ECT2: variants seen among roughly 807,000 people sequenced by gnomAD.
The protein encoded by ECT2 is protein ECT2.
ECT2 carries 61 observed loss-of-function variants against 116.9 expected under a neutral mutation model. The ratio of observed to expected loss-of-function variants is 0.52; its 90% CI spans 0.42 to 0.65. The LOEUF is 0.65. Ranked by LOEUF, ECT2 falls within the 30% of genes least tolerant of loss-of-function variation. The probability of loss-of-function intolerance (pLI) is 0.00; values close to 1 mark genes in which losing one functional copy is unlikely to be tolerated. For missense variants in ECT2, 937 were observed against 1,078.7 expected (o/e 0.87, Z 1.84); for synonymous variants, 358 against 346.4 (o/e 1.03, Z -0.37).
intron 6 of ECT2, among the ~76,000 whole-genome samples, chr3:172,759,847 T>A (rs34678565): frequency 0.012 from 1,778 of 152,236 alleles, 24 homozygotes; most frequent in Non-Finnish European, 0.02. Flanking sequence ...GGTATTTTTT[T>A]AAAAAAACCA....
intron 2 of ECT2, 21 bp downstream of exon 2, chr3:172,754,681 A>G (rs1378702936): frequency 1.9e-6 from 3 of 1,547,038 alleles, no homozygotes; most frequent in Admixed American, 4.1e-5. Context: ...TACCTGCTTT[A>G]AAACAATCAA....
chr3:172,824,145 A>G (rs1330868022), downstream of ECT2, among the ~76,000 whole-genome samples: 1 of 152,216 alleles, frequency 6.6e-6, no homozygotes, highest in African/African-American at 2.4e-5. Context: ...ATCTTTAGAT[A>G]TTGTAGTAAG....
chr3:172,816,850 G>T lies in ECT2; in HGVS notation c.2655+13G>T, dbSNP rs762217792. 3 of 1,538,696 alleles carry T rather than the reference G, an allele frequency of 1.9e-6. No homozygotes were observed. The highest frequency in any genetic ancestry group is 2.5e-5 in the South Asian group (2 of 78,626). On this transcript the variant is annotated intron_variant, in intron 24 of 24. Coordinates refer to ENST00000392692, the MANE Select transcript of ECT2 (RefSeq NM_001258315.2). ...ATCATCATTAGCAGTAAGTTATTTT[G>T]ATTTAATGGGGTAAATGACTTATTT...
In ECT2 at chr3:172,810,281, T is replaced by C. The variant is rs533712978; in HGVS notation, c.2400+2357T>C. The stretch of plus-strand genomic sequence containing the variant: ...TTTTGCCGCTACCTTTATATTTCTT[T>C]TGAAATTTTTCAAAACTTTTCAAAA... On this transcript the variant is annotated intron_variant, in intron 22 of 24. Transcript: ENST00000392692. Among the ~76,000 whole-genome samples the C allele has an allele frequency of 2.6e-5, 4 of 152,186 alleles. No homozygotes were observed. The East Asian group carries it at 5.8e-4, about 22-fold the overall frequency.
At chr3:172,802,802 C>T in intron 19 of ECT2, 59 bp from the exon 20 acceptor site, 6 of 1,556,496 alleles carry the variant, frequency 3.9e-6, no homozygotes, top group Non-Finnish European at 5.2e-6. Flanking sequence ...TAAATTACAA[C>T]TTCTTAAAAA....
Position 172,820,443 on chromosome 3 carries a change from G to T in ECT2, c.*206G>T. On this transcript the variant is annotated 3_prime_UTR_variant, in exon 25 of 25. Transcript: ENST00000392692. ...GTTAATTCATGTAAAAAATGATAGTGATTTTGATGTAATTTATCTCTTGTT... is the reference window on the plus strand; with the variant it reads ...GTTAATTCATGTAAAAAATGATAGTTATTTTGATGTAATTTATCTCTTGTT... 1 of 347,724 alleles carries T rather than the reference G, an allele frequency of 2.9e-6. No individual in the cohort carries two copies. The highest frequency in any genetic ancestry group is 5.2e-6 in the Non-Finnish European group (1 of 193,794). 21.5% of individuals were successfully genotyped at this position (347,724 alleles called of 1,614,324 possible).
downstream of ECT2, among the ~76,000 whole-genome samples, chr3:172,823,207 A>G (rs1454187710): frequency 6.6e-6 from 1 of 152,118 alleles, no homozygotes; most frequent in Non-Finnish European, 1.5e-5. Context: ...GAACAATACA[A>G]AATAGGTCAA....
In ECT2 at chr3:172,764,395, G is replaced by A. The variant is rs752777954; in HGVS notation, c.1186G>A (p.Val396Met). ...TGCTCAGCTTTCAAGAGAGACAGACGTGTCACCATTTCCACCCCGTAAGCG... is the reference window on the plus strand; with the variant it reads ...TGCTCAGCTTTCAAGAGAGACAGACATGTCACCATTTCCACCCCGTAAGCG... The part of the protein sequence containing the change: ...TLAQLSRETD[V>M]SPFPPRKRPS... Residue 396 changes from valine (V) to methionine (M), a missense_variant, in exon 12 of 25, where the codon GTG becomes ATG. Transcript: ENST00000392692. 23 of 1,613,980 alleles carry A rather than the reference G, an allele frequency of 1.4e-5. No homozygotes were observed. The highest frequency in any genetic ancestry group is 2.7e-5 in the African/African-American group (2 of 74,908).
At chr3:172,791,874 C>CT (rs1328036889) in intron 18 of ECT2, among the ~76,000 whole-genome samples, 2 of 152,350 alleles carry the variant, frequency 1.3e-5, no homozygotes, top group East Asian at 3.9e-4. Flanking sequence ...AGGACTATCT[C>CT]TGTTTTCAAC....
chr3:172,754,593 T>C lies in ECT2; in HGVS notation c.63T>C (p.Ile21=), dbSNP rs1430015367. ...GGACTAGCTTGGCAGACTCTTCCAT[T>C]TTTGATTCTAAAGTTACTGAGATTT... The part of the protein sequence containing the change: ...TGRTSLADSS[I]FDSKVTEISK... The change falls in exon 2 of 25, where the codon ATT becomes ATC. Residue 21 remains isoleucine (I), a synonymous_variant. Transcript: ENST00000392692. 15 of 1,612,020 alleles carry C rather than the reference T, an allele frequency of 9.3e-6. No individual in the cohort carries two copies. In the East Asian group the frequency reaches 3.1e-4, roughly 34 times the overall value.
At chr3:172,788,668 A>G (rs1253623023) in intron 18 of ECT2, among the ~76,000 whole-genome samples, 1 of 152,268 alleles carries the variant, frequency 6.6e-6, no homozygotes, top group Non-Finnish European at 1.5e-5. Flanking sequence ...CTCAGGGCAT[A>G]TAAAAGTTAC....
intron 20 of ECT2, among the ~76,000 whole-genome samples, chr3:172,803,446 A>T (rs953206543): frequency 1.3e-5 from 2 of 152,130 alleles, no homozygotes; most frequent in African/African-American, 4.8e-5. Context: ...TTTAGAGTGA[A>T]TGAGGGGTCA....
chr3:172,804,855 TG>T (rs1367089384), intron 20 of ECT2, among the ~76,000 whole-genome samples: 2 of 151,276 alleles, frequency 1.3e-5, no homozygotes, highest in Non-Finnish European at 2.9e-5. Context: ...CCCAAGTCCC[TG>T]GCTTCTCATT....
rs761590100 is a variant in ECT2, at chr3:172,762,482, T to G, written c.825T>G (p.Ile275Met). ...EFKVPPFQDC[I>M]LSFLGFSDEE... ...AAGTTCCTCCATTTCAAGATTGTAT[T>G]TTAAGTTTCCTGGGATTTTCAGATG... Residue 275 changes from isoleucine to methionine, a missense_variant, in exon 9 of 25, where the codon ATT becomes ATG. Coordinates refer to ENST00000392692, the MANE Select transcript of ECT2 (RefSeq NM_001258315.2). 1 of 1,598,696 alleles carries G rather than the reference T, an allele frequency of 6.3e-7. No homozygotes were observed. Among genetic ancestry groups the G allele is most frequent in the South Asian group, 1.1e-5 (1 of 88,400 alleles).
chr3:172,814,081 A>G (rs955636075), intron 22 of ECT2, among the ~76,000 whole-genome samples: 1 of 152,100 alleles, frequency 6.6e-6, no homozygotes, highest in Non-Finnish European at 1.5e-5. Flanking sequence ...TTTGTACAGG[A>G]TAAGCAACCT....
At chr3:172,780,002 C>T (rs1240493014) in intron 14 of ECT2, among the ~76,000 whole-genome samples, 1 of 151,998 alleles carries the variant, frequency 6.6e-6, no homozygotes, top group East Asian at 1.9e-4. Context: ...TTTCACTACC[C>T]ACCCCAAATA....
chr3:172,826,252 C>T (rs891688933), downstream of ECT2, among the ~76,000 whole-genome samples: 6 of 152,194 alleles, frequency 3.9e-5, no homozygotes, highest in Non-Finnish European at 8.8e-5. Flanking sequence ...GCTTCAAAGA[C>T]AGGCTGACTC....
At chr3:172,805,708 AC>A (rs1188301490) in intron 20 of ECT2, 22 bp from the exon 21 acceptor site, 8 of 1,608,002 alleles carry the variant, frequency 5.0e-6, no homozygotes, top group Admixed American at 1.7e-5. Flanking sequence ...ATTGACTGAT[AC>A]TTTTTTATTT....
chr3:172,825,212 A>C (rs1730811869), downstream of ECT2, among the ~76,000 whole-genome samples: 1 of 152,084 alleles, frequency 6.6e-6, no homozygotes, highest in Non-Finnish European at 1.5e-5. Context: ...CACCCATCTA[A>C]GACTGAAAAC....
Sources: allele counts gnomAD v4.1 joint callset (sites outside exome capture counted in the v4.1 genomes callset), GRCh38; gene constraint gnomAD v4.1.1; transcripts MANE v1.5; gene names NCBI Gene and HGNC (gene_info 2026-07-23, HGNC 2026-07-21).